The following ANO4 variants were observed in gnomAD, a reference collection of about 807,000 sequenced individuals.
The protein encoded by ANO4 is anoctamin 4.
ANO4 carries 69 observed loss-of-function variants against 141.9 expected under a neutral mutation model. The ratio of observed to expected loss-of-function variants is 0.49; its 90% CI spans 0.40 to 0.59. The LOEUF is 0.59. ANO4 is among the 20% of genes least tolerant of loss of function. The probability of loss-of-function intolerance (pLI) is 0.00; values close to 1 mark genes in which losing one functional copy is unlikely to be tolerated. For synonymous variants in ANO4, 350 were observed against 394.3 expected (o/e 0.89, Z 1.33); for missense variants, 894 against 1,162.2 (o/e 0.77, Z 3.36).
At chr12:101,007,390 A>G (rs1488281391) in intron 8 of ANO4, among the ~76,000 whole-genome samples, 2 of 152,312 alleles carry the variant, frequency 1.3e-5, no homozygotes, top group African/African-American at 4.8e-5. Flanking sequence ...CAAATAGATG[A>G]TAATAAAAAT....
intron 14 of ANO4, among the ~76,000 whole-genome samples, chr12:101,071,148 C>T (rs1292653806): frequency 6.6e-6 from 1 of 151,988 alleles, no homozygotes; most frequent in East Asian, 1.9e-4. Context: ...CTGTATGATC[C>T]AGCAATCTCA....
At chr12:100,917,134 T>A (rs2041380177) in intron 2 of ANO4, among the ~76,000 whole-genome samples, 1 of 152,192 alleles carries the variant, frequency 6.6e-6, no homozygotes, top group Admixed American at 6.5e-5. Context: ...CCATAAAATG[T>A]GGGGAAACTT....
intron 14 of ANO4, among the ~76,000 whole-genome samples, chr12:101,072,955 G>T (rs2048878279): frequency 6.6e-6 from 1 of 152,184 alleles, no homozygotes; most frequent in South Asian, 2.1e-4. Flanking sequence ...AGAGGATGTG[G>T]AGAAATAGGA....
At chr12:100,762,290 A>G (rs746218655) in intron 3 of ANO4, among the ~76,000 whole-genome samples, 10 of 152,108 alleles carry the variant, frequency 6.6e-5, no homozygotes, top group Admixed American at 4.6e-4. Flanking sequence ...TTTTCCTGAT[A>G]GAGCTGTGGG....
chr12:100,953,877 T>TG (rs111515752), intron 5 of ANO4, among the ~76,000 whole-genome samples: 26 of 151,166 alleles, frequency 1.7e-4, no homozygotes, highest in Admixed American at 2.6e-4. Flanking sequence ...AGTAACTGAA[T>TG]GGGGGGGTAT....
At chr12:100,998,647 T>C (rs994886621) in intron 8 of ANO4, among the ~76,000 whole-genome samples, 2 of 152,200 alleles carry the variant, frequency 1.3e-5, no homozygotes, top group Non-Finnish European at 2.9e-5. Context: ...CGTCATTTTA[T>C]ATCTTATCAC....
At chr12:100,925,676 C>T (rs486508) in intron 3 of ANO4, among the ~76,000 whole-genome samples, 35,244 of 150,680 alleles carry the variant, frequency 0.23, 4,722 homozygotes, top group Admixed American at 0.31. Flanking sequence ...TTCTGAACAT[C>T]AGTATAATTC....
chr12:101,071,375 C>T (rs1013976309), intron 14 of ANO4, among the ~76,000 whole-genome samples: 2 of 150,802 alleles, frequency 1.3e-5, no homozygotes, highest in African/African-American at 4.9e-5. Flanking sequence ...CTGTCATTTA[C>T]AACAACATGG....
intron 22 of ANO4, among the ~76,000 whole-genome samples, chr12:101,101,456 T>C (rs1452760412): frequency 6.6e-6 from 1 of 152,146 alleles, no homozygotes; most frequent in African/African-American, 2.4e-5. Flanking sequence ...TCATCTTTCC[T>C]TAGTCATGTG....
intron 3 of ANO4, among the ~76,000 whole-genome samples, chr12:100,782,141 C>T (rs922436175): frequency 6.6e-6 from 1 of 152,102 alleles, no homozygotes; most frequent in Non-Finnish European, 1.5e-5. Context: ...TTATTCATTG[C>T]CTTTACTTCC....
chr12:101,104,431 A>G (rs1332616028), intron 22 of ANO4, among the ~76,000 whole-genome samples: 1 of 150,826 alleles, frequency 6.6e-6, no homozygotes, highest in East Asian at 1.9e-4. Context: ...AACATTTTCC[A>G]TTTCCCTTGT....
intron 5 of ANO4, among the ~76,000 whole-genome samples, chr12:100,943,237 A>T (rs2042587607): frequency 1.3e-5 from 2 of 152,188 alleles, no homozygotes; most frequent in African/African-American, 4.8e-5. Flanking sequence ...CGTTAACTGA[A>T]TTATGTAACT....
intron 3 of ANO4, among the ~76,000 whole-genome samples, chr12:100,754,581 T>C: frequency 6.6e-6 from 1 of 152,166 alleles, no homozygotes; most frequent in East Asian, 1.9e-4. Flanking sequence ...CCAAAAGAAT[T>C]GAAAACAGGT....
intron 3 of ANO4, among the ~76,000 whole-genome samples, chr12:100,776,905 G>A (rs1360008367): frequency 6.6e-6 from 1 of 152,162 alleles, no homozygotes; most frequent in Non-Finnish European, 1.5e-5. Context: ...TATGCAGGTA[G>A]TGGTATTTAC....
At chr12:100,752,859 A>C (rs149616208) in intron 3 of ANO4, among the ~76,000 whole-genome samples, 12 of 152,166 alleles carry the variant, frequency 7.9e-5, no homozygotes, top group African/African-American at 2.9e-4. Context: ...AAACAACCCC[A>C]AAACCTCAGT....
intron 1 of ANO4, among the ~76,000 whole-genome samples, chr12:100,833,480 T>G (rs897680440): frequency 1.3e-5 from 2 of 152,160 alleles, no homozygotes; most frequent in Non-Finnish European, 2.9e-5. Context: ...TCAGGATGAA[T>G]AGTCATAGCC....
At chr12:100,746,712 C>A (rs755204156) in intron 3 of ANO4, among the ~76,000 whole-genome samples, 4 of 152,134 alleles carry the variant, frequency 2.6e-5, no homozygotes, top group Non-Finnish European at 4.4e-5. Context: ...CTCATTGTCC[C>A]ATGTTCACTG....
intron 3 of ANO4, among the ~76,000 whole-genome samples, chr12:100,755,899 G>A (rs1249867582): frequency 6.6e-6 from 1 of 152,162 alleles, no homozygotes. Context: ...GACAGAGGAC[G>A]AGTCTTCCAC....
intron 1 of ANO4, among the ~76,000 whole-genome samples, chr12:100,887,855 G>T (rs1433170979): frequency 1.3e-5 from 2 of 152,132 alleles, no homozygotes; most frequent in Admixed American, 1.3e-4. Flanking sequence ...AGAATTTCCT[G>T]TTGTGATGAT....
Sources: gnomAD v4.1 joint callset for allele counts (sites outside exome capture counted in the v4.1 genomes callset) on GRCh38, gnomAD v4.1.1 for gene constraint, MANE v1.5 for transcripts, NCBI Gene and HGNC (gene_info 2026-07-23, HGNC 2026-07-21) for gene names.